SPECC1: variants seen among roughly 807,000 people sequenced by gnomAD.
The protein encoded by SPECC1 is cytospin-B.
SPECC1 carries 62 observed loss-of-function variants against 104.1 expected under a neutral mutation model. The ratio of observed to expected loss-of-function variants is 0.60; its 90% CI spans 0.49 to 0.74. SPECC1 has a LOEUF of 0.74. Among genes scored for constraint, SPECC1 ranks in the 30% least tolerant of loss-of-function variants. The pLI is 0.00. For synonymous variants in SPECC1, 513 were observed against 501.6 expected, an observed-to-expected ratio of 1.02 and a Z score of -0.30; for missense variants, 1,306 against 1,310.5, an observed-to-expected ratio of 1.00 and a Z score of 0.05.
At chr17:20,075,104 T>A (rs1402719032) in intron 1 of SPECC1, among the ~76,000 whole-genome samples, 2 of 149,886 alleles carry the variant, frequency 1.3e-5, no homozygotes, top group East Asian at 1.9e-4. Context: ...CATTTCAGCA[T>A]GTTGTCCAGG....
intron 14 of SPECC1, among the ~76,000 whole-genome samples, chr17:20,313,528 G>A (rs2041984141): frequency 6.6e-6 from 1 of 152,244 alleles, no homozygotes; most frequent in African/African-American, 2.4e-5. Context: ...CCCGCACAGT[G>A]GCACAGCAGC....
intron 3 of SPECC1, among the ~76,000 whole-genome samples, chr17:20,203,362 C>T (rs573478178): frequency 1.5e-4 from 23 of 151,400 alleles, no homozygotes; most frequent in Admixed American, 9.2e-4. Context: ...ACAATGGAGA[C>T]TGATGTCTGG....
intron 1 of SPECC1, among the ~76,000 whole-genome samples, chr17:20,031,466 C>T (rs2152442468): frequency 6.6e-6 from 1 of 152,198 alleles, no homozygotes; most frequent in South Asian, 2.1e-4. Context: ...ATTACAGGTG[C>T]CCGCCACCAC....
intron 7 of SPECC1, among the ~76,000 whole-genome samples, chr17:20,239,721 T>TG (rs1355791781): frequency 6.6e-6 from 1 of 152,202 alleles, no homozygotes; most frequent in Admixed American, 6.5e-5. Context: ...TTTTAATAGA[T>TG]GTCTCCAATT....
At chr17:20,211,285 A>G (rs1345246270) in intron 4 of SPECC1, among the ~76,000 whole-genome samples, 6 of 152,024 alleles carry the variant, frequency 3.9e-5, no homozygotes, top group Non-Finnish European at 7.4e-5. Flanking sequence ...CCAAATATCA[A>G]CTCTGGTGAG....
chr17:20,309,840 T>C (rs1469785734), intron 14 of SPECC1, among the ~76,000 whole-genome samples: 11 of 126,220 alleles, frequency 8.7e-5, no homozygotes, highest in Admixed American at 7.8e-4. Context: ...TTTTTTGAGA[T>C]GGAATTTCGC....
chr17:20,149,098 A>G (rs1357290786), intron 3 of SPECC1, among the ~76,000 whole-genome samples: 3 of 152,206 alleles, frequency 2.0e-5, no homozygotes, highest in Non-Finnish European at 4.4e-5. Flanking sequence ...GAGACTGCAT[A>G]GGAAGCCATC....
chr17:20,205,575 T>C lies in SPECC1; in HGVS notation c.1526T>C (p.Ile509Thr). 1 of 1,614,030 alleles carries C rather than the reference T, an allele frequency of 6.2e-7. No homozygotes were observed. The highest frequency in any genetic ancestry group is 1.1e-5 in the South Asian group (1 of 91,060). The change falls in exon 4 of 15, where the codon ATT (isoleucine) becomes ACT (threonine). Residue 509 changes from isoleucine to threonine, a missense_variant. By Grantham distance (89) the Ile-to-Thr change is moderately conservative. Transcript: ENST00000395527. ...GAAAACCAAGGAGCTTTAGAAATGATTAAACGTCTGAAGGAAGAAAATGAA... is the reference window on the plus strand; with the variant it reads ...GAAAACCAAGGAGCTTTAGAAATGACTAAACGTCTGAAGGAAGAAAATGAA... ...EEENQGALEM[I>T]KRLKEENEKL...
Position 20,287,298 on chromosome 17 carries a change from TC to T in SPECC1, c.2941-9660del, listed in dbSNP as rs371141748. On this transcript the variant is annotated intron_variant, in intron 12 of 14. Coordinates refer to ENST00000395527, the MANE Select transcript of SPECC1 (RefSeq NM_001243439.2). ...CGGGCGCGGTGGCGGGCGCCTGTAG[TC>T]CCAGCTACTCGGGAGGCTGAGGCAG... Among the ~76,000 whole-genome samples, 1,261 of 151,930 alleles carry T rather than the reference TC, an allele frequency of 8.3e-3. 22 individuals are homozygous for T. Among genetic ancestry groups the T allele is most frequent in the African/African-American group, 0.028 (1,161 of 41,416 alleles).
In SPECC1 at chr17:20,035,610, A is replaced by T. The variant is rs1057347933; in HGVS notation, c.-22+26186A>T. ...CTTATTGCTAGTACATAGAGATACA[A>T]TTTTTTTTTTTTTAAATAGAGATGT... On this transcript the variant is annotated intron_variant, in intron 1 of 14. Coordinates refer to ENST00000395527, the MANE Select transcript of SPECC1 (RefSeq NM_001243439.2). 1.3e-4 allele frequency among the ~76,000 whole-genome samples: 19 copies of T among 147,048 alleles called. No individual in the cohort carries two copies. In the East Asian group the frequency reaches 3.3e-3, roughly 26 times the overall value.
chr17:20,040,746 G>A (rs574056537), intron 1 of SPECC1, among the ~76,000 whole-genome samples: 6 of 152,222 alleles, frequency 3.9e-5, no homozygotes, highest in Non-Finnish European at 7.4e-5. Flanking sequence ...CTTTCAAGAC[G>A]TTTTCTCTTT....
At chr17:20,310,226 G>T (rs962748096) in intron 14 of SPECC1, among the ~76,000 whole-genome samples, 72 of 152,154 alleles carry the variant, frequency 4.7e-4, no homozygotes, top group African/African-American at 1.6e-3. Flanking sequence ...TTGATAGAAC[G>T]ATTTCTTTTC....
At chr17:20,234,743 C>G (rs950163414) in intron 7 of SPECC1, among the ~76,000 whole-genome samples, 6 of 152,226 alleles carry the variant, frequency 3.9e-5, no homozygotes, top group African/African-American at 7.2e-5. Flanking sequence ...GGTTCTTAAG[C>G]TCTGTTTGCG....
chr17:20,238,477 G>A (rs1598061487), intron 7 of SPECC1: 1 of 1,042,330 alleles, frequency 9.6e-7, no homozygotes, highest in Non-Finnish European at 1.2e-6. Context: ...GTTATCCAAA[G>A]GATGAGACAA....
intron 1 of SPECC1, among the ~76,000 whole-genome samples, chr17:20,022,643 G>T (rs2044439444): frequency 6.6e-6 from 1 of 152,172 alleles, no homozygotes; most frequent in Non-Finnish European, 1.5e-5. Context: ...AAGTATTTCA[G>T]TCCTGGCTAG....
chr17:20,162,891 G>A (rs2033298850), intron 3 of SPECC1, among the ~76,000 whole-genome samples: 1 of 152,180 alleles, frequency 6.6e-6, no homozygotes, highest in African/African-American at 2.4e-5. Context: ...AGCCAGGCAT[G>A]GTGGCACATG....
At chr17:20,206,233 C>T (rs145901220) in intron 4 of SPECC1, among the ~76,000 whole-genome samples, 4 of 152,220 alleles carry the variant, frequency 2.6e-5, no homozygotes, top group East Asian at 3.9e-4. Flanking sequence ...TCTGGTGTAA[C>T]GTGGGGGTTG....
chr17:20,035,295 G>A (rs927231971), intron 1 of SPECC1, among the ~76,000 whole-genome samples: 2 of 151,850 alleles, frequency 1.3e-5, no homozygotes, highest in African/African-American at 4.8e-5. Flanking sequence ...ATACATTTTT[G>A]TATGATCTTG....
intron 1 of SPECC1, among the ~76,000 whole-genome samples, chr17:20,025,865 A>G (rs1364464401): frequency 2.6e-5 from 4 of 152,144 alleles, no homozygotes; most frequent in African/African-American, 7.2e-5. Flanking sequence ...CATCCTTACC[A>G]ACATTTGTTA....
Sources: allele counts gnomAD v4.1 joint callset (sites outside exome capture counted in the v4.1 genomes callset), GRCh38; gene constraint gnomAD v4.1.1; transcripts MANE v1.5; gene names NCBI Gene and HGNC (gene_info 2026-07-23, HGNC 2026-07-21).